The following LRRC40 variants were observed in gnomAD, a reference collection of about 807,000 sequenced individuals.
The protein encoded by LRRC40 is leucine-rich repeat-containing protein 40.
A neutral mutation model predicts 72.8 loss-of-function variants in LRRC40; 76 were observed. That is an observed-to-expected ratio of 1.04 (90% CI 0.87 to 1.26). The LOEUF (loss-of-function observed/expected upper bound fraction) is 1.26. LRRC40 is among the 50% of genes most tolerant of loss of function. The probability of loss-of-function intolerance (pLI) is 0.00; values close to 1 mark genes in which losing one functional copy is unlikely to be tolerated. For synonymous variants in LRRC40, 243 were observed against 254.2 expected (o/e 0.96, Z 0.42); for missense variants, 684 against 698.9 (o/e 0.98, Z 0.24).
intron 1 of LRRC40, among the ~76,000 whole-genome samples, chr1:70,197,593 CTTT>C (rs78897360): frequency 1.4e-4 from 19 of 137,080 alleles, no homozygotes; most frequent in Non-Finnish European, 2.5e-4. Flanking sequence ...CAACCCCCGG[CTTT>C]TTTTTTTTTT....
chr1:70,162,212 T>C (rs1197517150), intron 9 of LRRC40, among the ~76,000 whole-genome samples: 1 of 152,006 alleles, frequency 6.6e-6, no homozygotes, highest in East Asian at 1.9e-4. Context: ...GAACGAACCT[T>C]AGGAAAACTA....
At position 70,175,832 on chromosome 1, in the gene LRRC40, G is replaced by T. The variant is rs757830869; in HGVS notation, c.955C>A (p.Leu319Ile). 13 of 1,573,238 alleles carry T rather than the reference G, an allele frequency of 8.3e-6. No individual in the cohort carries two copies. The highest frequency in any genetic ancestry group is 1.1e-5 in the Non-Finnish European group (13 of 1,164,136). ...TACCTACTAATATCATTGTTGCTTA[G>T]GTCAAGCCTTTCCAAGGACCGTAGT... is the stretch of plus-strand genomic sequence containing the variant. ...ILLRSLERLD[L>I]SNNDISSLPY... The change falls in exon 7 of 15, where the codon CTA (leucine) becomes ATA (isoleucine). Residue 319 changes from leucine to isoleucine, a missense_variant. Leu to Ile is a conservative substitution (Grantham distance 5). Transcript: ENST00000370952.
Position 70,197,691 on chromosome 1 carries a change from C to A in LRRC40, c.151+7699G>T, listed in dbSNP as rs570663746. Among the ~76,000 whole-genome samples the A allele has an allele frequency of 2.0e-5, 3 of 150,108 alleles. No homozygotes were observed. The Admixed American group carries it at 2.0e-4, about 10-fold the overall frequency. ...TCACAAATGGGTTGATCACAGAGAA[C>A]TATCTAGTTTGGGGAGGACATTTAT... On this transcript the variant is annotated intron_variant, in intron 1 of 14. Transcript: ENST00000370952.
chr1:70,162,916 G>T (rs557258173), intron 9 of LRRC40, among the ~76,000 whole-genome samples: 40 of 152,202 alleles, frequency 2.6e-4, no homozygotes, highest in Admixed American at 7.2e-4. Flanking sequence ...CCCAATTTAT[G>T]AGTTTTCTAT....
chr1:70,184,630 T>G (rs1317973974), intron 4 of LRRC40, among the ~76,000 whole-genome samples, 155 bp downstream of exon 4: 6 of 152,206 alleles, frequency 3.9e-5, no homozygotes. Context: ...CAGTGACAAA[T>G]TTAGCTATCT....
At chr1:70,183,121 G>C (rs1297830421) in intron 4 of LRRC40, among the ~76,000 whole-genome samples, 1 of 152,132 alleles carries the variant, frequency 6.6e-6, no homozygotes, top group Non-Finnish European at 1.5e-5. Context: ...AGGAATGGTT[G>C]AGAAGAGTAT....
chr1:70,196,566 G>A (rs1668616679), intron 1 of LRRC40, among the ~76,000 whole-genome samples: 1 of 151,350 alleles, frequency 6.6e-6, no homozygotes, highest in Non-Finnish European at 1.5e-5. Context: ...GAAAAAAAAA[G>A]AACAACTGAT....
chr1:70,169,310 T>C (rs1369577700), intron 9 of LRRC40, among the ~76,000 whole-genome samples: 1 of 152,204 alleles, frequency 6.6e-6, no homozygotes, highest in East Asian at 1.9e-4. Flanking sequence ...TTGCAACATA[T>C]CTTTGTACTT....
intron 1 of LRRC40, among the ~76,000 whole-genome samples, chr1:70,193,532 T>G (rs1668546783): frequency 6.6e-6 from 1 of 151,968 alleles, no homozygotes; most frequent in African/African-American, 2.4e-5. Flanking sequence ...TACCAGACAT[T>G]TAGAGTAAAA....
At position 70,205,515 on chromosome 1, in the gene LRRC40, C is replaced by T. The variant is rs1558134134; in HGVS notation, c.26G>A (p.Gly9Glu). 2.5e-6 allele frequency: 4 copies of T among 1,600,018 alleles called. No homozygotes were observed. Among genetic ancestry groups the T allele is most frequent in the Non-Finnish European group, 3.4e-6 (4 of 1,169,056 alleles). The change falls in exon 1 of 15, where the codon GGG (glycine) becomes GAG (glutamate). Residue 9 changes from glycine to glutamate, a missense_variant. Gly to Glu is a moderately conservative substitution (Grantham distance 98, BLOSUM62 -2). Transcript: ENST00000370952. ...TTTGAAACCAGCGCGGAGATCCTGC[C>T]CCGCTATCCGCTTCAGGCGCGACAT... The part of the protein sequence containing the change: MSRLKRIA[G>E]QDLRAGFKAG...
rs374939351 is a variant in LRRC40 at position 70,152,544 on chromosome 1, C to T, written c.1329-1G>A. ...AACCATTTCCTTCAGTTCTACCATC[C>T]TGAAACAAAAATAATTTTAAAATGT... On this transcript the variant is annotated splice_acceptor_variant, in intron 11 of 14. Transcript: ENST00000370952. LOFTEE classifies it high-confidence loss of function. 1.3e-6 allele frequency: 2 copies of T among 1,504,090 alleles called. No homozygotes were observed. Among genetic ancestry groups the T allele is most frequent in the African/African-American group, 2.8e-5 (2 of 72,274 alleles). 93.2% of individuals were successfully genotyped at this position (1,504,090 alleles called of 1,614,324 possible). A position where few individuals can be genotyped will look rare whatever the true frequency, so the allele number is the denominator to read the frequency against.
At chr1:70,147,080 A>T (rs934241936) in intron 14 of LRRC40, 1 of 152,144 alleles carries the variant, frequency 6.6e-6, no homozygotes, top group African/African-American at 2.4e-5. Context: ...ATATTTGCAA[A>T]CTTGCCTACT....
In LRRC40 at chr1:70,184,820, C is replaced by T; in HGVS notation, c.502G>A (p.Glu168Lys). The change falls in exon 4 of 15, where the codon GAG becomes AAG. Residue 168 changes from glutamate (E) to lysine (K), a missense_variant. Physicochemically the swap from Glu to Lys is moderately conservative, Grantham distance 56. Coordinates refer to ENST00000370952, the MANE Select transcript of LRRC40 (RefSeq NM_017768.5). ...AAATTGGAAAGTTGTTCAAATCCCTCTGATATGCAGGTTAATTCATTATGC... is the reference window on the plus strand; with the variant it reads ...AAATTGGAAAGTTGTTCAAATCCCTTTGATATGCAGGTTAATTCATTATGC... The part of the protein sequence containing the change: ...LQHNELTCIS[E>K]GFEQLSNLED... The T allele has an allele frequency of 6.2e-7, 1 of 1,610,462 alleles. No individual in the cohort carries two copies. The highest frequency in any genetic ancestry group is 8.5e-7 in the Non-Finnish European group (1 of 1,178,886).
At chr1:70,179,161 A>G (rs540840042) in intron 5 of LRRC40, among the ~76,000 whole-genome samples, 168 bp from the exon 6 acceptor site, 86 of 152,320 alleles carry the variant, frequency 5.6e-4, no homozygotes, top group African/African-American at 2.0e-3. Context: ...AAATTTTTCT[A>G]CATTTAATTA....
chr1:70,152,430 T>A lies in LRRC40; in HGVS notation c.1439+3A>T, dbSNP rs1571435125. ...AAAGTCAAGCAATAGTATCAATAAA[T>A]ACCTGAGATCTAAAAAAGTCAATTT... On this transcript the variant is annotated splice_donor_region_variant and intron_variant, in intron 12 of 14. Coordinates refer to ENST00000370952, the MANE Select transcript of LRRC40 (RefSeq NM_017768.5). 7.0e-7 allele frequency: 1 copy of A among 1,435,402 alleles called. No individual in the cohort carries two copies. Among genetic ancestry groups the A allele is most frequent in the East Asian group, 2.3e-5 (1 of 43,812 alleles). 88.9% of individuals were successfully genotyped at this position (1,435,402 alleles called of 1,614,324 possible).
intron 9 of LRRC40, among the ~76,000 whole-genome samples, chr1:70,166,304 G>A (rs1215511323): frequency 6.6e-6 from 1 of 152,172 alleles, no homozygotes; most frequent in Non-Finnish European, 1.5e-5. Flanking sequence ...AGAGAAGGAA[G>A]AGTGGTAAGA....
intron 1 of LRRC40, among the ~76,000 whole-genome samples, chr1:70,202,223 G>C (rs895238951): frequency 6.6e-6 from 1 of 151,840 alleles, no homozygotes; most frequent in Non-Finnish European, 1.5e-5. Flanking sequence ...CATATATCCA[G>C]ACAAAAACCT....
chr1:70,191,437 A>G (rs1290928509), intron 1 of LRRC40, among the ~76,000 whole-genome samples: 1 of 152,192 alleles, frequency 6.6e-6, no homozygotes, highest in African/African-American at 2.4e-5. Flanking sequence ...GTTACCCATC[A>G]ACTATACTGA....
intron 13 of LRRC40, among the ~76,000 whole-genome samples, chr1:70,150,174 C>T (rs1271973854): frequency 6.6e-6 from 1 of 152,154 alleles, no homozygotes; most frequent in Admixed American, 6.5e-5. Flanking sequence ...CCACCTCGGC[C>T]TTCCAAAGTG....
Sources: gnomAD v4.1 joint callset for allele counts (sites outside exome capture counted in the v4.1 genomes callset) on GRCh38, gnomAD v4.1.1 for gene constraint, MANE v1.5 for transcripts, NCBI Gene and HGNC (gene_info 2026-07-23, HGNC 2026-07-21) for gene names.